GRID2: variants seen among roughly 807,000 people sequenced by gnomAD.
GRID2 encodes glutamate ionotropic receptor delta type subunit 2.
In GRID2, 33 loss-of-function variants were observed where a neutral mutation model predicts 114.8. The observed-to-expected ratio is 0.29, with a 90% confidence interval of 0.22 to 0.38. The LOEUF is 0.38. GRID2 is among the 10% of genes least tolerant of loss of function. The probability of loss-of-function intolerance (pLI) is 1.00; values close to 1 mark genes in which losing one functional copy is unlikely to be tolerated. For missense variants in GRID2, 1,184 were observed against 1,257.7 expected, an observed-to-expected ratio of 0.94 and a Z score of 0.89; for synonymous variants, 505 against 449.9, an observed-to-expected ratio of 1.12 and a Z score of -1.55.
chr4:93,016,811 A>G (rs1722791854), intron 2 of GRID2, among the ~76,000 whole-genome samples: 1 of 152,212 alleles, frequency 6.6e-6, no homozygotes, highest in Admixed American at 6.5e-5. Flanking sequence ...ATTAAAATTC[A>G]ACTACTTTAG....
intron 2 of GRID2, among the ~76,000 whole-genome samples, chr4:92,907,949 G>C (rs1748084471): frequency 6.6e-6 from 1 of 152,044 alleles, no homozygotes; most frequent in South Asian, 2.1e-4. Context: ...CTTGAATCCG[G>C]GAGGCAGAGG....
At chr4:92,529,359 A>G (rs1227092956) in intron 1 of GRID2, among the ~76,000 whole-genome samples, 1 of 151,986 alleles carries the variant, frequency 6.6e-6, no homozygotes, top group Non-Finnish European at 1.5e-5. Context: ...AGTCTTCCTA[A>G]AGGCTGTTTA....
chr4:93,539,699 G>A (rs941186585), intron 13 of GRID2, among the ~76,000 whole-genome samples: 2 of 151,950 alleles, frequency 1.3e-5, no homozygotes, highest in Admixed American at 6.6e-5. Flanking sequence ...CATTTTATTT[G>A]CAGTATTGGT....
chr4:93,530,372 C>T (rs183201379), intron 13 of GRID2, among the ~76,000 whole-genome samples: 26 of 152,248 alleles, frequency 1.7e-4, no homozygotes, highest in African/African-American at 4.3e-4. Context: ...ACTTAAATAA[C>T]GCCTATTCTG....
chr4:93,420,038 C>A (rs537049618), intron 9 of GRID2, among the ~76,000 whole-genome samples: 1 of 151,958 alleles, frequency 6.6e-6, no homozygotes, highest in South Asian at 2.1e-4. Flanking sequence ...TAAACATAGC[C>A]GATTTTTTTT....
At chr4:93,611,808 A>T (rs1221981683) in intron 13 of GRID2, among the ~76,000 whole-genome samples, 2 of 150,772 alleles carry the variant, frequency 1.3e-5, no homozygotes, top group East Asian at 3.9e-4. Context: ...TGGGGTGGAG[A>T]GTTCTGTAGA....
At chr4:92,437,750 A>G (rs1424251139) in intron 1 of GRID2, among the ~76,000 whole-genome samples, 1 of 152,194 alleles carries the variant, frequency 6.6e-6, no homozygotes, top group Non-Finnish European at 1.5e-5. Context: ...TTCTTTCTAT[A>G]TTACATCTAC....
intron 5 of GRID2, among the ~76,000 whole-genome samples, chr4:93,213,476 T>C (rs547109999): frequency 3.9e-5 from 6 of 152,308 alleles, no homozygotes; most frequent in Non-Finnish European, 7.4e-5. Flanking sequence ...TAGAAGATGA[T>C]AAAATCTTAC....
intron 1 of GRID2, among the ~76,000 whole-genome samples, chr4:92,559,079 T>C (rs911553525): frequency 6.6e-6 from 1 of 152,228 alleles, no homozygotes; most frequent in Admixed American, 6.6e-5. Flanking sequence ...CTGTTCATTA[T>C]TTATGCCAAT....
At position 92,937,221 on chromosome 4, in the gene GRID2, T is replaced by A. The variant is rs1239029373; in HGVS notation, c.245-147774T>A. The stretch of plus-strand genomic sequence containing the variant: ...TGCTAGAGTCCAATTTATTTTTCTT[T>A]CATTGCTCATACTTTCGGTGTCAGA... On this transcript the variant is annotated intron_variant, in intron 2 of 15. Coordinates refer to ENST00000282020, the MANE Select transcript of GRID2 (RefSeq NM_001510.4). Among the ~76,000 whole-genome samples, 2 of 146,924 alleles carry A rather than the reference T, an allele frequency of 1.4e-5. 1 individual carries two copies. Among genetic ancestry groups the A allele is most frequent in the East Asian group, 4.3e-4 (2 of 4,614 alleles).
intron 8 of GRID2, among the ~76,000 whole-genome samples, chr4:93,347,625 T>G (rs918646469): frequency 6.6e-6 from 1 of 152,180 alleles, no homozygotes; most frequent in Non-Finnish European, 1.5e-5. Flanking sequence ...TTAAGTCTAC[T>G]GTATGCCAGT....
At chr4:92,443,250 G>C (rs1733220758) in intron 1 of GRID2, among the ~76,000 whole-genome samples, 1 of 152,178 alleles carries the variant, frequency 6.6e-6, no homozygotes, top group African/African-American at 2.4e-5. Flanking sequence ...GATCTTGCAG[G>C]ATGGAAAAAT....
intron 2 of GRID2, among the ~76,000 whole-genome samples, chr4:92,801,095 A>G (rs144430930): frequency 6.6e-4 from 101 of 152,122 alleles, no homozygotes; most frequent in African/African-American, 2.4e-3. Flanking sequence ...TAAAAACATT[A>G]AGCACTTTTC....
At chr4:93,255,513 C>T (rs1749477007) in intron 8 of GRID2, among the ~76,000 whole-genome samples, 2 of 151,948 alleles carry the variant, frequency 1.3e-5, no homozygotes, top group Non-Finnish European at 2.9e-5. Context: ...TAAATTTGAT[C>T]CTCAGGGTGG....
intron 9 of GRID2, among the ~76,000 whole-genome samples, chr4:93,407,460 G>A (rs1030506641): frequency 3.3e-5 from 5 of 152,076 alleles, no homozygotes; most frequent in African/African-American, 4.8e-5. Flanking sequence ...ATGATCGGTC[G>A]AAATACAGAG....
chr4:93,069,450 C>A (rs552934298), intron 2 of GRID2, among the ~76,000 whole-genome samples: 6 of 151,990 alleles, frequency 3.9e-5, no homozygotes, highest in East Asian at 1.9e-4. Context: ...AAATAGATTT[C>A]ATCATACTGC....
intron 1 of GRID2, among the ~76,000 whole-genome samples, chr4:92,334,134 G>A (rs1277497362): frequency 1.3e-5 from 2 of 152,128 alleles, no homozygotes. Flanking sequence ...TAACAAGGAT[G>A]GCCTTTACTC....
chr4:92,492,564 A>G (rs1166405497), intron 1 of GRID2, among the ~76,000 whole-genome samples: 2 of 152,120 alleles, frequency 1.3e-5, no homozygotes, highest in Non-Finnish European at 2.9e-5. Flanking sequence ...ACAGAACCAC[A>G]TTTTTATATC....
chr4:93,597,244 A>G (rs1323862898), intron 13 of GRID2, among the ~76,000 whole-genome samples: 1 of 152,222 alleles, frequency 6.6e-6, no homozygotes, highest in African/African-American at 2.4e-5. Context: ...ATTGAAAATT[A>G]ATTTACTTTG....
Sources: allele counts gnomAD v4.1 joint callset (sites outside exome capture counted in the v4.1 genomes callset), GRCh38; gene constraint gnomAD v4.1.1; transcripts MANE v1.5; gene names NCBI Gene and HGNC (gene_info 2026-07-23, HGNC 2026-07-21).